Variants in GMDS observed in about 807,000 individuals in gnomAD.
GMDS encodes the protein GDP-mannose 4,6-dehydratase, also known as GDP-mannose 4,6 dehydratase.
In GMDS, 20 loss-of-function variants were observed where a neutral mutation model predicts 49.9. That is an observed-to-expected ratio of 0.40 (90% CI 0.28 to 0.58). The LOEUF (loss-of-function observed/expected upper bound fraction) is 0.58, where lower values mean the gene tolerates loss of function less well. GMDS is among the 20% of genes least tolerant of loss of function. The pLI is 0.42. For missense variants in GMDS, 362 were observed against 481.4 expected (o/e 0.75, Z 2.32); for synonymous variants, 177 against 178.6 (o/e 0.99, Z 0.07).
chr6:1,867,704 G>T (rs1231047615), intron 7 of GMDS, among the ~76,000 whole-genome samples: 1 of 152,152 alleles, frequency 6.6e-6, no homozygotes, highest in East Asian at 1.9e-4. Context: ...TATTAATTAG[G>T]TAATTGTAAA....
chr6:1,762,034 A>G (rs1487725814), intron 7 of GMDS, among the ~76,000 whole-genome samples: 1 of 152,258 alleles, frequency 6.6e-6, no homozygotes, highest in African/African-American at 2.4e-5. Context: ...ATCTGATATA[A>G]ACCTGATTAC....
intron 9 of GMDS, among the ~76,000 whole-genome samples, chr6:1,664,487 G>C (rs2569886): frequency 0.84 from 127,836 of 152,240 alleles, 55,342 homozygotes; most frequent in East Asian, 0.97. Context: ...TTAGAGAGGC[G>C]TGAGATGAAT....
intron 9 of GMDS, chr6:1,717,385 G>A (rs1369886722): frequency 6.6e-6 from 1 of 152,352 alleles, no homozygotes; most frequent in African/African-American, 2.4e-5. Context: ...GCAGATAAAA[G>A]CAGATGATAG....
rs1186175425 is a variant in GMDS, at chr6:2,019,397, A to C, written c.346-58431T>G. Among the ~76,000 whole-genome samples, 8 of 152,030 alleles carry C rather than the reference A, an allele frequency of 5.3e-5. No individual in the cohort carries two copies. The East Asian group carries it at 1.2e-3, about 22-fold the overall frequency. ...TTGTTACTCATCTTAGAGGGCAAGC[A>C]TCCTATCTTTCACTATTAAGTATGA... On this transcript the variant is annotated intron_variant, in intron 4 of 10. Transcript: ENST00000380815.
At chr6:1,697,609 G>A (rs1337848710) in intron 9 of GMDS, among the ~76,000 whole-genome samples, 1 of 152,240 alleles carries the variant, frequency 6.6e-6, no homozygotes, top group Admixed American at 6.5e-5. Flanking sequence ...AGCAGCATCA[G>A]CGTCACATGA....
intron 1 of GMDS, among the ~76,000 whole-genome samples, chr6:2,221,936 GAAGA>G (rs1780611744): frequency 6.6e-6 from 1 of 151,978 alleles, no homozygotes; most frequent in Non-Finnish European, 1.5e-5. Context: ...AGGTCAGTGG[GAAGA>G]AAAAGAGAAA....
At chr6:2,091,281 T>C (rs906439245) in intron 4 of GMDS, among the ~76,000 whole-genome samples, 1 of 152,180 alleles carries the variant, frequency 6.6e-6, no homozygotes, top group East Asian at 1.9e-4. Context: ...TCAAAACACA[T>C]TAAAACTCTT....
intron 7 of GMDS, among the ~76,000 whole-genome samples, chr6:1,880,623 G>GT (rs1759316392): frequency 6.6e-6 from 1 of 152,256 alleles, no homozygotes; most frequent in Middle Eastern, 3.4e-3. Flanking sequence ...AGCTGCTAGA[G>GT]TTGGTATTTC....
At chr6:1,633,478 G>A (rs1398317258) in intron 9 of GMDS, among the ~76,000 whole-genome samples, 1 of 152,182 alleles carries the variant, frequency 6.6e-6, no homozygotes, top group African/African-American at 2.4e-5. Flanking sequence ...AAGAGTTGGC[G>A]GAGACCTGAG....
chr6:2,164,162 A>G (rs1367084109), intron 1 of GMDS, among the ~76,000 whole-genome samples: 1 of 152,252 alleles, frequency 6.6e-6, no homozygotes, highest in African/African-American at 2.4e-5. Flanking sequence ...CATTAAATGC[A>G]GAATCTTTGC....
intron 7 of GMDS, among the ~76,000 whole-genome samples, chr6:1,777,044 G>T (rs1365847321): frequency 2.0e-5 from 3 of 152,234 alleles, no homozygotes; most frequent in Non-Finnish European, 4.4e-5. Flanking sequence ...AACGGCTTTA[G>T]ACACTAATTC....
At chr6:2,068,627 C>T (rs201250574) in intron 4 of GMDS, among the ~76,000 whole-genome samples, 1 of 151,830 alleles carries the variant, frequency 6.6e-6, no homozygotes, top group African/African-American at 2.4e-5. Flanking sequence ...CAACAACAGA[C>T]AAACAGAGAG....
intron 4 of GMDS, among the ~76,000 whole-genome samples, chr6:2,114,545 A>T (rs1006426040): frequency 1.3e-5 from 2 of 152,220 alleles, no homozygotes; most frequent in Non-Finnish European, 2.9e-5. Context: ...CTGTAACCTA[A>T]AGACCCTGAT....
intron 9 of GMDS, among the ~76,000 whole-genome samples, chr6:1,651,218 C>T (rs183191467): frequency 2.0e-5 from 3 of 152,188 alleles, no homozygotes; most frequent in African/African-American, 7.2e-5. Context: ...GCAGCATGCA[C>T]CCCTTCTCAC....
intron 1 of GMDS, among the ~76,000 whole-genome samples, chr6:2,156,720 T>C (rs1210567908): frequency 6.6e-6 from 1 of 152,218 alleles, no homozygotes. Flanking sequence ...TTTTAAAAGA[T>C]GAATATGTCT....
chr6:1,961,633 G>A (rs762428928), intron 4 of GMDS, among the ~76,000 whole-genome samples: 1 of 152,154 alleles, frequency 6.6e-6, no homozygotes, highest in Non-Finnish European at 1.5e-5. Flanking sequence ...TATGCTTTCT[G>A]AAATTATTCT....
intron 7 of GMDS, among the ~76,000 whole-genome samples, chr6:1,828,527 C>T (rs950504126): frequency 6.6e-6 from 1 of 152,152 alleles, no homozygotes; most frequent in Non-Finnish European, 1.5e-5. Context: ...AAGATGGAAT[C>T]TTAAAAGCAG....
At chr6:1,773,055 A>T (rs558657928) in intron 7 of GMDS, among the ~76,000 whole-genome samples, 2 of 152,076 alleles carry the variant, frequency 1.3e-5, no homozygotes, top group South Asian at 4.1e-4. Context: ...GCAAGGACAG[A>T]GGAGGCTCTT....
intron 9 of GMDS, among the ~76,000 whole-genome samples, chr6:1,695,210 A>G (rs1765298331): frequency 6.6e-6 from 1 of 152,208 alleles, no homozygotes; most frequent in Non-Finnish European, 1.5e-5. Flanking sequence ...GACGTGGAGA[A>G]TCCTGAAGAG....
Sources: allele counts gnomAD v4.1 joint callset (sites outside exome capture counted in the v4.1 genomes callset), GRCh38; gene constraint gnomAD v4.1.1; transcripts MANE v1.5; gene names NCBI Gene and HGNC (gene_info 2026-07-23, HGNC 2026-07-21).